The following CCSER1 variants were observed in gnomAD, a reference collection of about 807,000 sequenced individuals.
The protein encoded by CCSER1 is serine-rich coiled-coil domain-containing protein 1.
Under a neutral mutation model 82.0 loss-of-function variants are expected in CCSER1, and 41 were observed. The observed-to-expected ratio is 0.50, with a 90% CI of 0.39 to 0.65. The LOEUF (loss-of-function observed/expected upper bound fraction) is 0.65, where lower values mean the gene tolerates loss of function less well. Among genes scored for constraint, CCSER1 ranks in the 30% least tolerant of loss-of-function variants. CCSER1 has a pLI of 0.00. For missense variants in CCSER1, 1,119 were observed against 1,064.2 expected (o/e 1.05, Z -0.72); for synonymous variants, 414 against 383.9 (o/e 1.08, Z -0.92).
At chr4:90,836,310 G>A (rs1189755570) in intron 8 of CCSER1, among the ~76,000 whole-genome samples, 4 of 151,804 alleles carry the variant, frequency 2.6e-5, no homozygotes, top group Non-Finnish European at 5.9e-5. Context: ...TTAGTCAAAT[G>A]TCACAAACTG....
intron 3 of CCSER1, among the ~76,000 whole-genome samples, chr4:90,365,065 A>T (rs1223023197): frequency 6.6e-6 from 1 of 151,900 alleles, no homozygotes; most frequent in Non-Finnish European, 1.5e-5. Flanking sequence ...TTTTTAATTG[A>T]TATTGCAATC....
chr4:90,514,241 CCT>C (rs1771940655), intron 5 of CCSER1, among the ~76,000 whole-genome samples: 3 of 151,970 alleles, frequency 2.0e-5, no homozygotes, highest in African/African-American at 7.3e-5. Flanking sequence ...ACTAAAATGA[CCT>C]ATATATTTTC....
At chr4:90,812,736 A>G (rs892444981) in intron 7 of CCSER1, among the ~76,000 whole-genome samples, 1 of 152,154 alleles carries the variant, frequency 6.6e-6, no homozygotes, top group Non-Finnish European at 1.5e-5. Context: ...ACTTAAAATC[A>G]TGGCGGAAGG....
At chr4:90,478,731 CTT>C (rs59376887) in intron 5 of CCSER1, among the ~76,000 whole-genome samples, 128 of 133,196 alleles carry the variant, frequency 9.6e-4, no homozygotes, top group African/African-American at 2.7e-3. Flanking sequence ...TTCTTTCTTT[CTT>C]TTTTTTTTTT....
At chr4:91,304,471 G>T (rs1467155771) in intron 10 of CCSER1, among the ~76,000 whole-genome samples, 2 of 151,918 alleles carry the variant, frequency 1.3e-5, no homozygotes, top group Non-Finnish European at 2.9e-5. Flanking sequence ...AGTCTGTGAG[G>T]TTTATCCCTT....
chr4:90,502,040 A>G (rs777586087), intron 5 of CCSER1, among the ~76,000 whole-genome samples: 8 of 152,222 alleles, frequency 5.3e-5, no homozygotes, highest in Non-Finnish European at 1.0e-4. Flanking sequence ...ATTTTACAAC[A>G]TATAAAATTA....
chr4:90,828,280 A>AT (rs565074485), intron 8 of CCSER1, among the ~76,000 whole-genome samples: 1 of 152,084 alleles, frequency 6.6e-6, no homozygotes, highest in African/African-American at 2.4e-5. Flanking sequence ...GAGAAAGCAA[A>AT]TTTTTTAGTG....
At position 90,497,803 on chromosome 4, in the gene CCSER1, G is replaced by A. The variant is rs76056775; in HGVS notation, c.1724+29449G>A. ...TTTTGCTTGTCTGGATTAAGCTAAA[G>A]AGATGTAACTTGGCTTTATCTAAAG... On this transcript the variant is annotated intron_variant, in intron 5 of 10. Transcript: ENST00000509176. 1.5e-4 allele frequency among the ~76,000 whole-genome samples: 23 copies of A among 152,280 alleles called. No homozygotes were observed. The East Asian group carries it at 3.9e-3, about 26-fold the overall frequency.
intron 10 of CCSER1, among the ~76,000 whole-genome samples, chr4:91,507,588 C>T (rs1578649929): frequency 6.6e-6 from 1 of 151,120 alleles, no homozygotes; most frequent in African/African-American, 2.4e-5. Flanking sequence ...ATCTTTTGCC[C>T]ATCTTTTTAA....
chr4:91,313,185 A>G (rs1235920903), intron 10 of CCSER1, among the ~76,000 whole-genome samples: 1 of 151,936 alleles, frequency 6.6e-6, no homozygotes, highest in Non-Finnish European at 1.5e-5. Flanking sequence ...GTACTTAAAC[A>G]TATTTTCTAT....
chr4:90,952,222 A>T (rs958052952), intron 9 of CCSER1, among the ~76,000 whole-genome samples: 2 of 152,128 alleles, frequency 1.3e-5, no homozygotes, highest in Admixed American at 6.6e-5. Flanking sequence ...ATATGAGAGG[A>T]AAGGTAAAAA....
intron 1 of CCSER1, among the ~76,000 whole-genome samples, chr4:90,199,327 C>G (rs1461615287): frequency 6.6e-6 from 1 of 152,110 alleles, no homozygotes; most frequent in Non-Finnish European, 1.5e-5. Context: ...TGGGCCTCTA[C>G]TTGTTATTTA....
rs551199933 is a variant in CCSER1 at position 91,398,388 on chromosome 4, T to A, written c.2218-200184T>A. Among the ~76,000 whole-genome samples the A allele has an allele frequency of 1.7e-3, 255 of 152,024 alleles. 2 individuals are homozygous for A. The highest frequency in any genetic ancestry group is 0.012 in the South Asian group (60 of 4,826). On this transcript the variant is annotated intron_variant, in intron 10 of 10. Transcript: ENST00000509176. The stretch of plus-strand genomic sequence containing the variant: ...TAATTTAAGAGGCTTTATGACAGAT[T>A]TTTTGCTTAAACAGCATTGTTTAAA...
chr4:90,827,931 G>A (rs996475873), intron 8 of CCSER1, among the ~76,000 whole-genome samples: 2 of 152,042 alleles, frequency 1.3e-5, no homozygotes, highest in Non-Finnish European at 2.9e-5. Flanking sequence ...AGGGGGAAGG[G>A]GATGTAGGCA....
chr4:90,228,847 G>A lies in CCSER1; in HGVS notation c.-41-79397G>A, dbSNP rs866446954. Among the ~76,000 whole-genome samples, 28 of 152,308 alleles carry A rather than the reference G, an allele frequency of 1.8e-4. No homozygotes were observed. The Middle Eastern group carries it at 0.034, about 185-fold the overall frequency. ...ATGCAGAAGCCTCAGGAGCCGATGC[G>A]ATCAACTGGAAGAAAGGGTATCAGC... On this transcript the variant is annotated intron_variant, in intron 1 of 10. Coordinates refer to ENST00000509176, the MANE Select transcript of CCSER1 (RefSeq NM_001145065.2).
intron 5 of CCSER1, among the ~76,000 whole-genome samples, chr4:90,549,619 G>C (rs1042914766): frequency 2.0e-5 from 3 of 152,114 alleles, no homozygotes; most frequent in Admixed American, 6.6e-5. Context: ...TATCACATAG[G>C]ATAAGTGAAT....
At chr4:90,616,468 G>A (rs1427754481) in intron 5 of CCSER1, among the ~76,000 whole-genome samples, 2 of 152,108 alleles carry the variant, frequency 1.3e-5, no homozygotes, top group East Asian at 3.9e-4. Context: ...ATCACTTGAT[G>A]TCAGGGGAGT....
chr4:90,856,075 G>A (rs2149959111), intron 8 of CCSER1, among the ~76,000 whole-genome samples: 1 of 152,064 alleles, frequency 6.6e-6, no homozygotes, highest in South Asian at 2.1e-4. Flanking sequence ...CATAACCTAT[G>A]CAAAATATTA....
At chr4:91,434,099 C>A (rs745996196) in intron 10 of CCSER1, among the ~76,000 whole-genome samples, 1 of 152,002 alleles carries the variant, frequency 6.6e-6, no homozygotes, top group Admixed American at 6.5e-5. Context: ...TATGGTACTC[C>A]GGCTGCACAA....
Sources: gnomAD v4.1 joint callset for allele counts (sites outside exome capture counted in the v4.1 genomes callset) on GRCh38, gnomAD v4.1.1 for gene constraint, MANE v1.5 for transcripts, NCBI Gene and HGNC (gene_info 2026-07-23, HGNC 2026-07-21) for gene names.